COL21A1: variants seen among roughly 807,000 people sequenced by gnomAD.
COL21A1 encodes the protein collagen type XXI alpha 1 chain, also known as collagen alpha-1(XXI) chain.
A neutral mutation model predicts 137.9 loss-of-function variants in COL21A1; 149 were observed. That is an observed-to-expected ratio of 1.08 (90% CI 0.95 to 1.24). The LOEUF is 1.24. Among genes scored for constraint, COL21A1 ranks in the 50% most tolerant of loss-of-function variants. COL21A1 has a pLI of 0.00. For synonymous variants in COL21A1, 456 were observed against 391.5 expected, an observed-to-expected ratio of 1.16 and a Z score of -1.95; for missense variants, 1,167 against 1,158.4, an observed-to-expected ratio of 1.01 and a Z score of -0.11.
chr6:56,166,982 A>C lies in COL21A1; in HGVS notation c.1202T>G (p.Phe401Cys). 1 of 1,608,868 alleles carries C rather than the reference A, an allele frequency of 6.2e-7. No homozygotes were observed. Among genetic ancestry groups the C allele is most frequent in the Non-Finnish European group, 8.5e-7 (1 of 1,176,896 alleles). The change falls in exon 7 of 30, where the codon TTT (phenylalanine) becomes TGT (cysteine). Residue 401 changes from phenylalanine to cysteine, a missense_variant and splice_region_variant. By Grantham distance (205) the Phe-to-Cys change is radical. Coordinates refer to ENST00000244728, the MANE Select transcript of COL21A1 (RefSeq NM_030820.4). The part of the protein sequence containing the change: ...KYSGKEETVQ[F>C]DVQKLRIYCD... ...GTAGATTCGCAACTTTTGGACATCA[A>C]ACTAAGAACATAAACCCAGTAGAAT...
chr6:56,363,601 T>C (rs1209552724), intron 1 of COL21A1, among the ~76,000 whole-genome samples: 1 of 152,202 alleles, frequency 6.6e-6, no homozygotes, highest in Non-Finnish European at 1.5e-5. Flanking sequence ...ATAAGTGAAG[T>C]TCCTAGGAGG....
intron 1 of COL21A1, among the ~76,000 whole-genome samples, chr6:56,281,892 T>C (rs1187483160): frequency 2.6e-5 from 4 of 152,184 alleles, no homozygotes; most frequent in African/African-American, 9.7e-5. Flanking sequence ...ATAAGAAAGA[T>C]ATAGAAAAAT....
intron 12 of COL21A1, among the ~76,000 whole-genome samples, chr6:56,129,679 T>C (rs867382445): frequency 1.5e-5 from 1 of 66,366 alleles, no homozygotes; most frequent in Admixed American, 1.4e-4. Context: ...TGCGTGCGTG[T>C]GTGTGTGTGT....
At chr6:56,113,640 G>A (rs1771642775) in intron 16 of COL21A1, among the ~76,000 whole-genome samples, 1 of 152,132 alleles carries the variant, frequency 6.6e-6, no homozygotes, top group Admixed American at 6.5e-5. Context: ...CTTAAGCTGT[G>A]GTGGCTATGG....
In COL21A1 at chr6:56,167,878, T is replaced by C. The variant is rs144053624; in HGVS notation, c.1200+246A>G. Among the ~76,000 whole-genome samples the C allele has an allele frequency of 4.7e-3, 720 of 152,290 alleles. 11 individuals carry two copies. Among genetic ancestry groups the C allele is most frequent in the African/African-American group, 0.017 (692 of 41,586 alleles). On this transcript the variant is annotated intron_variant, in intron 6 of 29. Coordinates refer to ENST00000244728, the MANE Select transcript of COL21A1 (RefSeq NM_030820.4). ...ATGAAATTAATGTTTCCTAGAAATG[T>C]AGAATTCTATCCTGAACCCAGGGGA...
intron 1 of COL21A1, among the ~76,000 whole-genome samples, chr6:56,325,994 ATACATACATATATTATGTATATG>A (rs1765078240): frequency 9.5e-4 from 4 of 4,204 alleles, no homozygotes; most frequent in Non-Finnish European, 1.5e-3. Context: ...ATATATGTAT[ATACATACATATATTATGTATATG>A]TATATACATA....
chr6:56,089,076 A>C (rs1582299720), intron 17 of COL21A1, among the ~76,000 whole-genome samples: 1 of 152,232 alleles, frequency 6.6e-6, no homozygotes, highest in Admixed American at 6.5e-5. Flanking sequence ...GGCTTGAACC[A>C]CCACACTCGG....
chr6:56,114,898 C>T (rs1771778724), intron 16 of COL21A1, among the ~76,000 whole-genome samples: 1 of 146,766 alleles, frequency 6.8e-6, no homozygotes, highest in Non-Finnish European at 1.5e-5. Context: ...GCATTATTCA[C>T]AATAGCAAAG....
At chr6:56,247,943 A>AC (rs1782740980), upstream of COL21A1, among the ~76,000 whole-genome samples, 1 of 151,986 alleles carries the variant, frequency 6.6e-6, no homozygotes, top group African/African-American at 2.4e-5. Flanking sequence ...CCCAAGAAGA[A>AC]CCCCCCTCTG....
intron 1 of COL21A1, among the ~76,000 whole-genome samples, chr6:56,296,214 T>C (rs964077614): frequency 1.3e-5 from 2 of 152,008 alleles, no homozygotes; most frequent in Admixed American, 1.3e-4. Flanking sequence ...ACTCTTTTCT[T>C]GTCTAACATA....
intron 1 of COL21A1, among the ~76,000 whole-genome samples, chr6:56,226,138 G>T (rs1478593792): frequency 6.6e-6 from 1 of 151,986 alleles, no homozygotes; most frequent in Non-Finnish European, 1.5e-5. Flanking sequence ...TTTTAGGAAT[G>T]TTACCAATTG....
chr6:56,215,915 G>C (rs1027414351), intron 1 of COL21A1, among the ~76,000 whole-genome samples: 2 of 152,026 alleles, frequency 1.3e-5, no homozygotes, highest in African/African-American at 4.8e-5. Flanking sequence ...ACATATTCAT[G>C]TGTATATGTG....
chr6:56,212,092 C>G (rs1323883926), intron 1 of COL21A1, among the ~76,000 whole-genome samples: 1 of 151,974 alleles, frequency 6.6e-6, no homozygotes, highest in African/African-American at 2.4e-5. Flanking sequence ...GAAGGGCAAG[C>G]AAGATTAGTG....
chr6:56,170,604 TC>T (rs1410807864), intron 5 of COL21A1, 44 bp downstream of exon 5: 2 of 1,318,572 alleles, frequency 1.5e-6, no homozygotes, highest in Admixed American at 2.0e-5. Context: ...CAATAGTGCT[TC>T]CCCATGAATA....
At chr6:56,107,640 G>GA (rs11440030) in intron 16 of COL21A1, among the ~76,000 whole-genome samples, 111,357 of 151,642 alleles carry the variant, frequency 0.73, 41,365 homozygotes, top group East Asian at 0.87. Flanking sequence ...AAGAAATTCA[G>GA]AAAAAAAACA....
chr6:56,230,356 A>C (rs936382116), intron 1 of COL21A1, among the ~76,000 whole-genome samples: 1 of 151,936 alleles, frequency 6.6e-6, no homozygotes, highest in African/African-American at 2.4e-5. Context: ...ATCATAAAGC[A>C]AACTCAATGT....
chr6:56,342,325 C>T (rs1765489099), intron 1 of COL21A1, among the ~76,000 whole-genome samples: 1 of 152,282 alleles, frequency 6.6e-6, no homozygotes, highest in African/African-American at 2.4e-5. Context: ...ATTATGACTG[C>T]ACCATTGGGT....
intron 1 of COL21A1, among the ~76,000 whole-genome samples, chr6:56,224,247 C>T (rs1396617339): frequency 6.6e-6 from 1 of 152,136 alleles, no homozygotes; most frequent in African/African-American, 2.4e-5. Flanking sequence ...CCTGACTCAA[C>T]AGTCTCCTCT....
chr6:56,372,323 T>A (rs1486775822), intron 1 of COL21A1, among the ~76,000 whole-genome samples: 1 of 151,952 alleles, frequency 6.6e-6, no homozygotes, highest in Admixed American at 6.6e-5. Context: ...TTAGAGAAAA[T>A]CTGGATAATT....
Sources: gnomAD v4.1 joint callset for allele counts (sites outside exome capture counted in the v4.1 genomes callset) on GRCh38, gnomAD v4.1.1 for gene constraint, MANE v1.5 for transcripts, NCBI Gene and HGNC (gene_info 2026-07-23, HGNC 2026-07-21) for gene names.